SCN1A: variants seen among roughly 807,000 people sequenced by gnomAD.
The protein encoded by SCN1A is sodium channel protein type 1 subunit alpha.
Under a neutral mutation model 193.7 loss-of-function variants are expected in SCN1A, and 13 were observed. The ratio of observed to expected loss-of-function variants is 0.07; its 90% confidence interval spans 0.04 to 0.11. SCN1A has a LOEUF of 0.11. Among genes scored for constraint, SCN1A ranks in the 10% least tolerant of loss-of-function variants. SCN1A has a pLI of 1.00. For synonymous variants in SCN1A, 781 were observed against 843.6 expected, an observed-to-expected ratio of 0.93 and a Z score of 1.29; for missense variants, 1,432 against 2,451.1, an observed-to-expected ratio of 0.58 and a Z score of 8.78.
At chr2:166,092,016 A>G (rs1240895382) in intron 2 of SCN1A, among the ~76,000 whole-genome samples, 1 of 152,210 alleles carries the variant, frequency 6.6e-6, no homozygotes, top group Non-Finnish European at 1.5e-5. Flanking sequence ...AAACTAAAAC[A>G]TGTAGCCATA....
intron 6 of SCN1A, among the ~76,000 whole-genome samples, chr2:166,055,407 A>G (rs1699029399): frequency 6.6e-6 from 1 of 151,970 alleles, no homozygotes; most frequent in African/African-American, 2.4e-5. Context: ...AGGGCGACTG[A>G]AAACCTGTGG....
rs762734890 is a variant in SCN1A at position 166,013,831 on chromosome 2, G to C, written c.3618C>G (p.Asn1206Lys). The C allele has an allele frequency of 6.2e-7, 1 of 1,612,374 alleles. No individual in the cohort carries two copies. The highest frequency in any genetic ancestry group is 8.5e-7 in the Non-Finnish European group (1 of 1,178,740). Residue 1206 changes from asparagine (N) to lysine (K), a missense_variant, in exon 21 of 29, where the codon AAC (asparagine) becomes AAG (lysine). Physicochemically the swap from Asn to Lys is moderately conservative, Grantham distance 94 (BLOSUM62 0). Transcript: ENST00000674923. ...VEEGRGKQWW[N>K]LRRTCFRIVE... ...CTATTCGGAAACACGTCCTTCTCAGGTTCCACCATTGTTTTCCTCTGCCTT... is the reference window on the plus strand; with the variant it reads ...CTATTCGGAAACACGTCCTTCTCAGCTTCCACCATTGTTTTCCTCTGCCTT...
At chr2:166,020,004 A>G (rs1225195914) in intron 19 of SCN1A, among the ~76,000 whole-genome samples, 4 of 147,616 alleles carry the variant, frequency 2.7e-5, no homozygotes, top group South Asian at 2.1e-4. Flanking sequence ...TCCGCCTCCC[A>G]GGCTCATGCC....
At chr2:166,055,304 C>T (rs901251277) in intron 6 of SCN1A, among the ~76,000 whole-genome samples, 4 of 151,142 alleles carry the variant, frequency 2.6e-5, no homozygotes, top group African/African-American at 9.7e-5. Flanking sequence ...GAATAAAATT[C>T]TTCTGATAAT....
At chr2:166,112,259 C>T (rs549528989) in intron 2 of SCN1A, among the ~76,000 whole-genome samples, 8 of 152,072 alleles carry the variant, frequency 5.3e-5, no homozygotes, top group Non-Finnish European at 1.2e-4. Context: ...CAACTACCAC[C>T]CTGATCAGTC....
intron 4 of SCN1A, among the ~76,000 whole-genome samples, chr2:166,064,653 GTTTC>G (rs1159477658): frequency 6.6e-6 from 1 of 151,924 alleles, no homozygotes; most frequent in African/African-American, 2.4e-5. Flanking sequence ...TGGTTTTCCA[GTTTC>G]TTTTTCTCAT....
At chr2:166,021,931 T>A (rs1694126313) in intron 19 of SCN1A, among the ~76,000 whole-genome samples, 1 of 152,144 alleles carries the variant, frequency 6.6e-6, no homozygotes, top group Admixed American at 6.5e-5. Context: ...TGAAAAAATT[T>A]GATTAAAATA....
intron 19 of SCN1A, among the ~76,000 whole-genome samples, chr2:166,028,327 A>G (rs112165974): frequency 0.027 from 4,104 of 152,262 alleles, 214 homozygotes; most frequent in African/African-American, 0.095. Flanking sequence ...TGCAAATCAA[A>G]TGAGTAATTT....
In SCN1A at chr2:166,042,437, A is replaced by G. The variant is rs751415266; in HGVS notation, c.2044-13T>C. 1.9e-6 allele frequency: 3 copies of G among 1,612,450 alleles called. No homozygotes were observed. Among genetic ancestry groups the G allele is most frequent in the East Asian group, 2.2e-5 (1 of 44,808 alleles). ...CAGTGGTTGTTCCCTGTAAAAAAAA[A>G]TGCTAATGCATTAAACAATTAATTT... is the stretch of plus-strand genomic sequence containing the variant. On this transcript the variant is annotated splice_polypyrimidine_tract_variant and intron_variant, in intron 14 of 28. Transcript: ENST00000674923.
chr2:166,108,874 G>T (rs1336544402), intron 2 of SCN1A, among the ~76,000 whole-genome samples: 1 of 152,130 alleles, frequency 6.6e-6, no homozygotes, highest in Non-Finnish European at 1.5e-5. Flanking sequence ...AAATGAGATT[G>T]TAATGATTGC....
intron 19 of SCN1A, among the ~76,000 whole-genome samples, chr2:166,026,444 T>C (rs924502189): frequency 1.3e-5 from 2 of 152,044 alleles, no homozygotes; most frequent in Admixed American, 1.3e-4. Flanking sequence ...TCCACCTCTA[T>C]GTTAGCACAT....
intron 19 of SCN1A, among the ~76,000 whole-genome samples, chr2:166,023,766 A>G (rs548770984): frequency 1.3e-5 from 2 of 150,428 alleles, no homozygotes; most frequent in Admixed American, 6.6e-5. Flanking sequence ...ACTAAAAAAA[A>G]GAAAAAAAAA....
chr2:166,037,655 C>T (rs1187504368), intron 18 of SCN1A, 121 bp downstream of exon 18: 2 of 860,828 alleles, frequency 2.3e-6, no homozygotes, highest in Non-Finnish European at 3.7e-6. Context: ...AAATTATACT[C>T]TTTTTTTTTA....
In SCN1A at chr2:166,122,095, T is replaced by G. The variant is rs60747647; in HGVS notation, c.-142+4829A>C. Among the ~76,000 whole-genome samples, 930 of 152,280 alleles carry G rather than the reference T, an allele frequency of 6.1e-3. 15 individuals carry two copies. Among genetic ancestry groups the G allele is most frequent in the African/African-American group, 0.021 (875 of 41,560 alleles). ...GCCTCCAGAACTGTGATAAATACTG[T>G]TATTTAAGCCACCCTGTCTGTGGTA... On this transcript the variant is annotated intron_variant, in intron 2 of 28. Transcript: ENST00000674923.
rs766091365 is a variant in SCN1A at position 166,090,608 on chromosome 2, T to C, written c.-141-12807A>G. Among the ~76,000 whole-genome samples the C allele has an allele frequency of 2.6e-5, 4 of 152,296 alleles. No individual in the cohort carries two copies. In the South Asian group the frequency reaches 8.3e-4, roughly 32 times the overall value. The stretch of plus-strand genomic sequence containing the variant: ...AGTCACCAGGGTCTACAGCCTTTAT[T>C]GTCTTTACCAGTCACTAGGTATGAG... On this transcript the variant is annotated intron_variant, in intron 2 of 28. Coordinates refer to ENST00000674923, the MANE Select transcript of SCN1A (RefSeq NM_001165963.4).
intron 2 of SCN1A, among the ~76,000 whole-genome samples, chr2:166,098,265 A>G (rs975502804): frequency 6.6e-6 from 1 of 152,210 alleles, no homozygotes; most frequent in African/African-American, 2.4e-5. Flanking sequence ...CTAAAAACAA[A>G]AAACCACATG....
Position 166,072,821 on chromosome 2 carries a change from C to G in SCN1A, c.264+537G>C, listed in dbSNP as rs1684573300. On this transcript the variant is annotated intron_variant, in intron 4 of 28. Transcript: ENST00000674923. ...CCTTCCTTCCTTCCTTCCTTCCCTC[C>G]CACCCTCTCTTCTTTCTTTTTTTTT... Among the ~76,000 whole-genome samples the G allele has an allele frequency of 2.7e-5, 4 of 146,856 alleles. No homozygotes were observed. In the South Asian group the frequency reaches 8.4e-4, roughly 31 times the overall value.
intron 1 of SCN1A, among the ~76,000 whole-genome samples, chr2:166,147,795 A>G (rs1201752218): frequency 6.6e-6 from 1 of 152,252 alleles, no homozygotes; most frequent in East Asian, 1.9e-4. Flanking sequence ...TATTTTCATC[A>G]TAAATAATCA....
chr2:166,119,746 T>C (rs1215554679), intron 2 of SCN1A, among the ~76,000 whole-genome samples: 3 of 152,160 alleles, frequency 2.0e-5, no homozygotes, highest in African/African-American at 7.2e-5. Flanking sequence ...GTTTGTGGCC[T>C]AGTTTTATTA....
Sources: gnomAD v4.1 joint callset for allele counts (sites outside exome capture counted in the v4.1 genomes callset) on GRCh38, gnomAD v4.1.1 for gene constraint, MANE v1.5 for transcripts, NCBI Gene and HGNC (gene_info 2026-07-23, HGNC 2026-07-21) for gene names.